ESRRG: variants seen among roughly 807,000 people sequenced by gnomAD.
The protein encoded by ESRRG is estrogen-related receptor gamma.
A neutral mutation model predicts 44.0 loss-of-function variants in ESRRG; 13 were observed. The ratio of observed to expected loss-of-function variants is 0.30; its 90% CI spans 0.19 to 0.47. ESRRG has a LOEUF of 0.47. Among genes scored for constraint, ESRRG ranks in the 20% least tolerant of loss-of-function variants. ESRRG has a pLI of 1.00. For missense variants in ESRRG, 395 were observed against 580.6 expected (o/e 0.68, Z 3.29); for synonymous variants, 215 against 214.6 (o/e 1.00, Z -0.02).
At chr1:216,899,185 G>C (rs2058772300) in intron 2 of ESRRG, among the ~76,000 whole-genome samples, 1 of 152,202 alleles carries the variant, frequency 6.6e-6, no homozygotes, top group East Asian at 1.9e-4. Flanking sequence ...AAAGTTTCAG[G>C]GCTAAGTACT....
chr1:216,694,610 G>A (rs2079744429), intron 1 of ESRRG, among the ~76,000 whole-genome samples: 1 of 151,660 alleles, frequency 6.6e-6, no homozygotes, highest in East Asian at 1.9e-4. Flanking sequence ...AGGCTGGAGT[G>A]CAGTGGCGTG....
At chr1:216,576,489 T>C (rs1439388418) in intron 3 of ESRRG, among the ~76,000 whole-genome samples, 1 of 152,048 alleles carries the variant, frequency 6.6e-6, no homozygotes, top group Non-Finnish European at 1.5e-5. Flanking sequence ...CTATTAAACA[T>C]GTGAGGCTTG....
chr1:216,925,493 G>A (rs545390573), intron 2 of ESRRG, among the ~76,000 whole-genome samples: 4 of 152,200 alleles, frequency 2.6e-5, no homozygotes, highest in Admixed American at 2.0e-4. Context: ...AGACAGCAGC[G>A]GTTCCCGGAA....
Position 216,817,059 on chromosome 1 carries a change from T to TAA in ESRRG, c.-14+122521_-14+122522dup, listed in dbSNP as rs11389958. 1.2e-3 allele frequency among the ~76,000 whole-genome samples: 160 copies of TAA among 137,626 alleles called. 1 individual carries two copies. The highest frequency in any genetic ancestry group is 3.4e-3 in the African/African-American group (128 of 38,114). The allele number at this position is 137,626 out of a possible 152,430, so 90.3% of individuals were successfully genotyped here. A position where few individuals can be genotyped will look rare whatever the true frequency, so the allele number is the denominator to read the frequency against. ...CATTGTTATTAAAGAAAGAAAATGA[T>TAA]AAAAAAAAAAAAACACAGGTTTTGT... On this transcript the variant is annotated intron_variant, in intron 2 of 7. Coordinates refer to the ESRRG transcript ENST00000359162.
chr1:216,793,405 T>C (rs1177480866), intron 2 of ESRRG, among the ~76,000 whole-genome samples: 2 of 152,206 alleles, frequency 1.3e-5, no homozygotes, highest in African/African-American at 2.4e-5. Context: ...TTGGCCTTTC[T>C]TTCTCTGTCT....
intron 1 of ESRRG, among the ~76,000 whole-genome samples, chr1:217,009,569 T>C (rs2150763873): frequency 6.6e-6 from 1 of 152,332 alleles, no homozygotes; most frequent in South Asian, 2.1e-4. Context: ...AGCTTCATTG[T>C]CTATTGTTCA....
intron 5 of ESRRG, among the ~76,000 whole-genome samples, chr1:216,549,775 C>G (rs553501272): frequency 6.6e-6 from 1 of 152,148 alleles, no homozygotes; most frequent in South Asian, 2.1e-4. Flanking sequence ...TCACATTTTC[C>G]CCCTGAAGGA....
chr1:216,723,421 C>T lies in ESRRG; in HGVS notation c.-122G>A. On this transcript the variant is annotated 5_prime_UTR_variant, in exon 1 of 7. Transcript: ENST00000408911. Reference sequence around the variant, plus strand: ...AGCCTATAGGCACAGCCAGTTGGGACCAAAGCTCTCACACTCTCCTAATCA... The same window carrying T: ...AGCCTATAGGCACAGCCAGTTGGGATCAAAGCTCTCACACTCTCCTAATCA... 1.2e-6 allele frequency: 1 copy of T among 851,210 alleles called. No homozygotes were observed. Among genetic ancestry groups the T allele is most frequent in the Non-Finnish European group, 2.0e-6 (1 of 506,658 alleles). 52.7% of individuals were successfully genotyped at this position (851,210 alleles called of 1,614,324 possible).
intron 2 of ESRRG, chr1:216,865,187 C>CAAAAAAAAAAAAAAAAAAAAA (rs548064265): frequency 4.1e-4 from 20 of 49,244 alleles, no homozygotes; most frequent in East Asian, 1.5e-3. Flanking sequence ...AGCTGTGCAG[C>CAAAAAAAAAAAAAAAAAAAAA]AAAAAAAAAA....
chr1:216,835,548 G>A (rs1012395793), intron 2 of ESRRG, among the ~76,000 whole-genome samples: 1 of 152,136 alleles, frequency 6.6e-6, no homozygotes, highest in Admixed American at 6.5e-5. Flanking sequence ...TCGTCCTCAA[G>A]GACTCAAATA....
At chr1:216,912,159 AG>A (rs2060438859) in intron 2 of ESRRG, among the ~76,000 whole-genome samples, 1 of 35,430 alleles carries the variant, frequency 2.8e-5, no homozygotes, top group African/African-American at 1.8e-4. Context: ...AGAAAAGAAA[AG>A]AAAAGAAAAG....
rs541388956 is a variant in ESRRG at position 216,963,840 on chromosome 1, G to T, written c.-105-24167C>A. On this transcript the variant is annotated intron_variant, in intron 1 of 7. Coordinates refer to the ESRRG transcript ENST00000359162. ...GCCTCAAAGTGTCTCGGTCTAGTGG[G>T]AGAGTCAGCCATTACTCAAAGCCAC... 2.6e-5 allele frequency among the ~76,000 whole-genome samples: 4 copies of T among 152,246 alleles called. No homozygotes were observed. The South Asian group carries it at 8.3e-4, about 32-fold the overall frequency.
At chr1:217,089,841 C>A (rs1326979114), upstream of ESRRG, among the ~76,000 whole-genome samples, 2 of 152,106 alleles carry the variant, frequency 1.3e-5, no homozygotes, top group Non-Finnish European at 2.9e-5. Flanking sequence ...AGCGCCAAGG[C>A]GCCTCCCTTT....
chr1:216,650,840 GTA>G (rs1369464958), intron 3 of ESRRG, 131 bp downstream of exon 3: 20 of 694,366 alleles, frequency 2.9e-5, no homozygotes, highest in African/African-American at 5.3e-5. Context: ...GTATAAAGGA[GTA>G]TTCTGCCATC....
At chr1:217,029,090 C>T (rs558967062) in intron 1 of ESRRG, among the ~76,000 whole-genome samples, 14 of 152,120 alleles carry the variant, frequency 9.2e-5, no homozygotes, top group African/African-American at 3.4e-4. Flanking sequence ...TAATTCTAAC[C>T]CTTACCTTTG....
chr1:216,783,756 G>A (rs1325831163), intron 2 of ESRRG, among the ~76,000 whole-genome samples: 1 of 151,902 alleles, frequency 6.6e-6, no homozygotes, highest in Non-Finnish European at 1.5e-5. Context: ...TACATTAGAA[G>A]GGACTTCCCA....
intron 1 of ESRRG, among the ~76,000 whole-genome samples, chr1:217,104,354 T>C (rs2092560934): frequency 6.6e-6 from 1 of 152,120 alleles, no homozygotes; most frequent in Non-Finnish European, 1.5e-5. Flanking sequence ...GAGCAAATAG[T>C]AAGCCACCAT....
rs144980076 is a variant in ESRRG, at chr1:216,795,873, G to A, written c.-13-118382C>T. On this transcript the variant is annotated intron_variant, in intron 2 of 7. Transcript: ENST00000359162. ...CCATGGTATATGAAGTTGCAAAGCA[G>A]AGTGCAGGGTAGTAATTGATCAAGA... Among the ~76,000 whole-genome samples the A allele has an allele frequency of 1.3e-4, 20 of 152,270 alleles. No homozygotes were observed. In the East Asian group the frequency reaches 3.9e-3, roughly 30 times the overall value.
At chr1:217,021,942 A>T (rs993158832) in intron 1 of ESRRG, among the ~76,000 whole-genome samples, 1 of 152,082 alleles carries the variant, frequency 6.6e-6, no homozygotes, top group Non-Finnish European at 1.5e-5. Context: ...ATGTCCTCCC[A>T]TCTTTTCTCT....
Sources: allele counts gnomAD v4.1 joint callset (sites outside exome capture counted in the v4.1 genomes callset), GRCh38; gene constraint gnomAD v4.1.1; transcripts MANE v1.5; gene names NCBI Gene and HGNC (gene_info 2026-07-23, HGNC 2026-07-21).